The following SLC15A5 variants were observed in gnomAD, a reference collection of about 807,000 sequenced individuals.
SLC15A5 encodes the protein Peptide/histidine transporter ENSP00000340402.
A neutral mutation model predicts 56.1 loss-of-function variants in SLC15A5; 58 were observed. That is an observed-to-expected ratio of 1.03 (90% CI 0.84 to 1.29). The LOEUF is 1.29. SLC15A5 is among the 50% of genes most tolerant of loss of function. The pLI is 0.00. For synonymous variants in SLC15A5, 264 were observed against 250.5 expected (o/e 1.05, Z -0.51); for missense variants, 681 against 672.1 (o/e 1.01, Z -0.15).
chr12:16,192,476 A>G (rs968634206), intron 8 of SLC15A5, among the ~76,000 whole-genome samples: 4 of 151,992 alleles, frequency 2.6e-5, no homozygotes, highest in African/African-American at 9.7e-5. Flanking sequence ...CCACGCCACT[A>G]TTTCTCACTT....
intron 5 of SLC15A5, among the ~76,000 whole-genome samples, chr12:16,227,788 T>C (rs1864256973): frequency 6.6e-6 from 1 of 152,162 alleles, no homozygotes; most frequent in Non-Finnish European, 1.5e-5. Context: ...ATTACAATCG[T>C]TATTTAGGAT....
chr12:16,198,791 A>T (rs2136239044), intron 7 of SLC15A5, among the ~76,000 whole-genome samples: 1 of 152,300 alleles, frequency 6.6e-6, no homozygotes, highest in Middle Eastern at 3.4e-3. Context: ...ATCGTGATAC[A>T]CACATGCTAT....
At chr12:16,247,182 T>C (rs547732674) in intron 3 of SLC15A5, among the ~76,000 whole-genome samples, 14 of 152,250 alleles carry the variant, frequency 9.2e-5, no homozygotes, top group Non-Finnish European at 1.5e-4. Flanking sequence ...CTGGCTTCAG[T>C]TGAATATGTA....
At chr12:16,227,970 A>G (rs1322040822) in intron 5 of SLC15A5, among the ~76,000 whole-genome samples, 2 of 152,204 alleles carry the variant, frequency 1.3e-5, no homozygotes, top group African/African-American at 2.4e-5. Flanking sequence ...ATTAGAGGGC[A>G]CTGATAAAAC....
chr12:16,228,464 G>T (rs1253451258), intron 5 of SLC15A5, among the ~76,000 whole-genome samples: 1 of 152,214 alleles, frequency 6.6e-6, no homozygotes, highest in Non-Finnish European at 1.5e-5. Flanking sequence ...TCACTCTTCT[G>T]ATCTCTTCCA....
At chr12:16,236,958 C>G (rs981789910) in intron 5 of SLC15A5, among the ~76,000 whole-genome samples, 1 of 152,124 alleles carries the variant, frequency 6.6e-6, no homozygotes, top group African/African-American at 2.4e-5. Context: ...AAAACCTGTT[C>G]AAATGACACT....
chr12:16,215,046 T>C (rs534747098), intron 7 of SLC15A5, among the ~76,000 whole-genome samples: 1 of 151,760 alleles, frequency 6.6e-6, no homozygotes, highest in African/African-American at 2.4e-5. Context: ...CTACTAAAAA[T>C]ACAAAAATTA....
intron 3 of SLC15A5, among the ~76,000 whole-genome samples, chr12:16,249,382 C>T (rs1405615004): frequency 6.6e-6 from 1 of 152,068 alleles, no homozygotes; most frequent in African/African-American, 2.4e-5. Flanking sequence ...TTACACACCT[C>T]ACTAAAGGAA....
chr12:16,269,000 G>A (rs888607715), intron 2 of SLC15A5, among the ~76,000 whole-genome samples: 12 of 151,984 alleles, frequency 7.9e-5, no homozygotes, highest in Admixed American at 3.3e-4. Context: ...AGAGACCTCC[G>A]AGAGCTCCTT....
intron 3 of SLC15A5, among the ~76,000 whole-genome samples, chr12:16,250,689 A>G (rs905315022): frequency 1.6e-4 from 24 of 151,992 alleles, no homozygotes; most frequent in African/African-American, 5.3e-4. Flanking sequence ...TGGAAAAAAG[A>G]TACAGTTGGG....
At chr12:16,254,804 CAAAG>C (rs1207835824) in intron 3 of SLC15A5, among the ~76,000 whole-genome samples, 3 of 151,980 alleles carry the variant, frequency 2.0e-5, no homozygotes, top group Non-Finnish European at 4.4e-5. Flanking sequence ...AAGCTGATCT[CAAAG>C]AAGTAAAACG....
chr12:16,252,521 C>A (rs933979777), intron 3 of SLC15A5, among the ~76,000 whole-genome samples: 2 of 151,908 alleles, frequency 1.3e-5, no homozygotes, highest in African/African-American at 4.8e-5. Context: ...GATGACTGAT[C>A]TGAAAGCAAA....
In SLC15A5 at chr12:16,239,710, C is replaced by T; in HGVS notation, c.1133G>A (p.Arg378Lys). The T allele has an allele frequency of 6.5e-7, 1 of 1,537,350 alleles. No homozygotes were observed. Among genetic ancestry groups the T allele is most frequent in the South Asian group, 1.2e-5 (1 of 84,040 alleles). Reference protein sequence around the residue: ...YFSTCLFPSKRVGSFLSTCII... With the variant: ...YFSTCLFPSKKVGSFLSTCII... ...GCATGTTGACAGAAATGATCCAACT[C>T]TCTTAGAGGGAAACAGGCAGGTGCT... The change falls in exon 5 of 9, where the codon AGA becomes AAA. Residue 378 changes from arginine to lysine, a missense_variant. By Grantham distance (26) the Arg-to-Lys change is conservative. Coordinates refer to ENST00000344941, the MANE Select transcript of SLC15A5 (RefSeq NM_001170798.1).
chr12:16,216,469 T>A (rs1864130461), intron 7 of SLC15A5, among the ~76,000 whole-genome samples: 1 of 152,194 alleles, frequency 6.6e-6, no homozygotes, highest in Admixed American at 6.5e-5. Context: ...CAATTCACAA[T>A]TTCTCTTGGA....
At chr12:16,241,119 G>A (rs1179607848) in intron 4 of SLC15A5, among the ~76,000 whole-genome samples, 2 of 152,008 alleles carry the variant, frequency 1.3e-5, no homozygotes, top group Non-Finnish European at 2.9e-5. Context: ...GGCCCATCAT[G>A]ATCTTTAGTA....
At chr12:16,247,094 G>A (rs971334224) in intron 3 of SLC15A5, among the ~76,000 whole-genome samples, 1 of 152,090 alleles carries the variant, frequency 6.6e-6, no homozygotes, top group East Asian at 1.9e-4. Flanking sequence ...CTTAGTGTCT[G>A]TATTTATTTT....
chr12:16,233,523 A>C (rs1864318786), intron 5 of SLC15A5, among the ~76,000 whole-genome samples: 1 of 152,200 alleles, frequency 6.6e-6, no homozygotes. Flanking sequence ...TCATACAAAA[A>C]CAGACGGTGG....
intron 5 of SLC15A5, among the ~76,000 whole-genome samples, chr12:16,233,336 G>A (rs927097403): frequency 1.3e-5 from 2 of 152,162 alleles, no homozygotes; most frequent in African/African-American, 2.4e-5. Flanking sequence ...TTGAGGATAA[G>A]TAGGTACTTA....
chr12:16,248,670 A>G (rs1300923624), intron 3 of SLC15A5, among the ~76,000 whole-genome samples: 1 of 152,132 alleles, frequency 6.6e-6, no homozygotes, highest in African/African-American at 2.4e-5. Context: ...TAAACATCAT[A>G]CCACTTCCTT....
Sources: allele counts gnomAD v4.1 joint callset (sites outside exome capture counted in the v4.1 genomes callset), GRCh38; gene constraint gnomAD v4.1.1; transcripts MANE v1.5; gene names NCBI Gene and HGNC (gene_info 2026-07-23, HGNC 2026-07-21).